DGKG: variants seen among roughly 807,000 people sequenced by gnomAD.
DGKG encodes DAG kinase gamma.
In DGKG, 78 loss-of-function variants were observed where a neutral mutation model predicts 105.3. That is an observed-to-expected ratio of 0.74 (90% CI 0.62 to 0.89). The LOEUF (loss-of-function observed/expected upper bound fraction) is 0.89, where lower values mean the gene tolerates loss of function less well. DGKG is among the 40% of genes least tolerant of loss of function. DGKG has a pLI of 0.00. For synonymous variants in DGKG, 346 were observed against 367.1 expected, an observed-to-expected ratio of 0.94 and a Z score of 0.66; for missense variants, 958 against 1,020.1, an observed-to-expected ratio of 0.94 and a Z score of 0.83.
intron 1 of DGKG, among the ~76,000 whole-genome samples, chr3:186,346,655 G>GCTATACTATA (rs144977237): frequency 2.1e-3 from 318 of 151,374 alleles, no homozygotes; most frequent in African/African-American, 3.9e-3. Context: ...GAGTAACTAT[G>GCTATACTATA]CTATACTATA....
chr3:186,348,402 C>CTT (rs373825002), intron 1 of DGKG, among the ~76,000 whole-genome samples: 1 of 78,698 alleles, frequency 1.3e-5, no homozygotes, highest in Non-Finnish European at 2.7e-5. Flanking sequence ...CTGAGAATAG[C>CTT]TTTTTTTTTT....
intron 24 of DGKG, chr3:186,160,985 C>T: frequency 1.0e-6 from 1 of 985,366 alleles, no homozygotes; most frequent in Non-Finnish European, 1.2e-6. Flanking sequence ...CTATTACAAA[C>T]CAGGCACTGT....
chr3:186,233,156 T>C (rs1025784942), intron 20 of DGKG, among the ~76,000 whole-genome samples: 4 of 152,138 alleles, frequency 2.6e-5, no homozygotes, highest in Non-Finnish European at 5.9e-5. Flanking sequence ...GCCAGTCAAT[T>C]GACCTTGAGA....
intron 1 of DGKG, among the ~76,000 whole-genome samples, chr3:186,343,505 C>G (rs1726184030): frequency 6.6e-6 from 1 of 152,060 alleles, no homozygotes; most frequent in African/African-American, 2.4e-5. Context: ...GTTGCCCAGG[C>G]TGGTCTCAAT....
chr3:186,321,945 G>A (rs375400588), intron 1 of DGKG, among the ~76,000 whole-genome samples: 138 of 152,254 alleles, frequency 9.1e-4, no homozygotes, highest in African/African-American at 3.2e-3. Context: ...CTGCTCCTTG[G>A]CACATGCTAC....
chr3:186,310,607 A>T (rs563967020), intron 2 of DGKG, among the ~76,000 whole-genome samples: 1 of 152,238 alleles, frequency 6.6e-6, no homozygotes, highest in Non-Finnish European at 1.5e-5. Context: ...ATCTTAAGAC[A>T]GAAAAGAACA....
chr3:186,280,782 C>T, intron 7 of DGKG, 38 bp from the exon 8 acceptor site: 1 of 1,565,662 alleles, frequency 6.4e-7, no homozygotes, highest in African/African-American at 1.4e-5. Flanking sequence ...CAAAAGGAGA[C>T]AACCAGAGAT....
chr3:186,208,198 C>CA (rs966447346), intron 21 of DGKG, among the ~76,000 whole-genome samples: 5 of 152,050 alleles, frequency 3.3e-5, no homozygotes, highest in Non-Finnish European at 7.4e-5. Context: ...TGCACCACCA[C>CA]ACCCGGCTAA....
At chr3:186,306,697 T>TCGCCGTATCATTAAAA in intron 3 of DGKG, 1 of 517,336 alleles carries the variant, frequency 1.9e-6, no homozygotes, top group South Asian at 2.8e-5. Context: ...GAAGTAGTGG[T>TCGCCGTATCATTAAAA]AGTCTTCTAG....
intron 9 of DGKG, among the ~76,000 whole-genome samples, chr3:186,276,427 G>T (rs1402604787): frequency 1.3e-5 from 2 of 152,176 alleles, no homozygotes; most frequent in Non-Finnish European, 2.9e-5. Flanking sequence ...TGGATTTATT[G>T]TATTCTCTGA....
intron 16 of DGKG, among the ~76,000 whole-genome samples, chr3:186,260,233 C>T (rs1425990414): frequency 6.6e-6 from 1 of 152,178 alleles, no homozygotes; most frequent in Non-Finnish European, 1.5e-5. Context: ...CAGGAGGCCA[C>T]TTCTCAAACA....
Position 186,308,326 on chromosome 3 carries a change from C to G in DGKG, c.68-1349G>C, listed in dbSNP as rs114150332. Among the ~76,000 whole-genome samples the G allele has an allele frequency of 8.5e-3, 1,301 of 152,268 alleles. 18 individuals are homozygous for G. Among genetic ancestry groups the G allele is most frequent in the African/African-American group, 0.03 (1,232 of 41,542 alleles). On this transcript the variant is annotated intron_variant, in intron 2 of 24. Coordinates refer to ENST00000265022, the MANE Select transcript of DGKG (RefSeq NM_001346.3). The stretch of plus-strand genomic sequence containing the variant: ...TGCATCTTGTGCAGCTATCAGCACT[C>G]TAGACATCAAAGCAAACCAGGGTTT...
At chr3:186,266,557 T>A (rs926043505) in intron 13 of DGKG, among the ~76,000 whole-genome samples, 1 of 152,184 alleles carries the variant, frequency 6.6e-6, no homozygotes, top group Admixed American at 6.5e-5. Flanking sequence ...ATACAGTAAA[T>A]ATTGCTAAAT....
chr3:186,257,512 A>G (rs2108569182), intron 17 of DGKG, among the ~76,000 whole-genome samples: 1 of 152,172 alleles, frequency 6.6e-6, no homozygotes, highest in Non-Finnish European at 1.5e-5. Context: ...TCTGGCCTTT[A>G]CCAACCCCAA....
intron 20 of DGKG, among the ~76,000 whole-genome samples, chr3:186,239,334 A>G (rs1312799765): frequency 6.6e-6 from 1 of 152,232 alleles, no homozygotes; most frequent in South Asian, 2.1e-4. Flanking sequence ...TCTTTGGAGA[A>G]CCTCAGTTCA....
Position 186,275,624 on chromosome 3 carries a change from T to G in DGKG, c.833A>C (p.His278Pro), listed in dbSNP as rs1722542766. ...GTTGCAGTAGGTTGGTTTCTTGAAG[T>G]GCTTCATGGTCCAGGCGTGCCGCCC... ...GDGRHAWTMK[H>P]FKKPTYCNFC... The change falls in exon 10 of 25, where the codon CAC (histidine) becomes CCC (proline). Residue 278 changes from histidine (H) to proline (P), a missense_variant. Transcript: ENST00000265022. 2.5e-6 allele frequency: 4 copies of G among 1,614,216 alleles called. No individual in the cohort carries two copies. Among genetic ancestry groups the G allele is most frequent in the Non-Finnish European group, 3.4e-6 (4 of 1,180,048 alleles).
At chr3:186,323,936 C>CA (rs35989455) in intron 1 of DGKG, among the ~76,000 whole-genome samples, 5,861 of 71,788 alleles carry the variant, frequency 0.082, 234 homozygotes, top group South Asian at 0.14. Context: ...GACTCCGTCT[C>CA]AAAAAAAAAA....
chr3:186,168,447 G>T (rs1716660123), intron 22 of DGKG, among the ~76,000 whole-genome samples: 1 of 152,210 alleles, frequency 6.6e-6, no homozygotes, highest in Non-Finnish European at 1.5e-5. Context: ...GGAAAAGCAA[G>T]GACAACAGTG....
chr3:186,174,380 T>C (rs1399587704), intron 22 of DGKG, among the ~76,000 whole-genome samples: 1 of 151,728 alleles, frequency 6.6e-6, no homozygotes, highest in East Asian at 1.9e-4. Flanking sequence ...TGGTAATTAA[T>C]GTAACTTAGA....
Sources: gnomAD v4.1 joint callset for allele counts (sites outside exome capture counted in the v4.1 genomes callset) on GRCh38, gnomAD v4.1.1 for gene constraint, MANE v1.5 for transcripts, NCBI Gene and HGNC (gene_info 2026-07-23, HGNC 2026-07-21) for gene names.